PRKCE: variants seen among roughly 807,000 people sequenced by gnomAD.
The protein encoded by PRKCE is protein kinase C epsilon type.
Under a neutral mutation model 85.4 loss-of-function variants are expected in PRKCE, and 16 were observed. The observed-to-expected ratio is 0.19, with a 90% CI of 0.13 to 0.28. The LOEUF (loss-of-function observed/expected upper bound fraction) is 0.28, where lower values mean the gene tolerates loss of function less well. Ranked by LOEUF, PRKCE falls within the 10% of genes least tolerant of loss-of-function variation. PRKCE has a pLI of 1.00. For synonymous variants in PRKCE, 388 were observed against 371.5 expected (o/e 1.04, Z -0.51); for missense variants, 573 against 975.2 (o/e 0.59, Z 5.49).
intron 2 of PRKCE, among the ~76,000 whole-genome samples, chr2:45,863,158 C>G (rs757137679): frequency 6.6e-6 from 1 of 152,146 alleles, no homozygotes; most frequent in Non-Finnish European, 1.5e-5. Flanking sequence ...TTAGGCTACT[C>G]ATTTCCTGGC....
intron 1 of PRKCE, among the ~76,000 whole-genome samples, chr2:45,670,984 A>G (rs1179794212): frequency 2.0e-5 from 3 of 152,218 alleles, no homozygotes; most frequent in African/African-American, 7.2e-5. Context: ...CCTGGGTTGA[A>G]TTGTTGGAAA....
At chr2:45,772,650 A>G (rs1460955526) in intron 1 of PRKCE, among the ~76,000 whole-genome samples, 6 of 152,080 alleles carry the variant, frequency 3.9e-5, no homozygotes, top group Non-Finnish European at 5.9e-5. Context: ...CCATGCTTGG[A>G]GAAGTTAAGT....
At chr2:45,703,026 C>CA (rs1553382509) in intron 1 of PRKCE, among the ~76,000 whole-genome samples, 2 of 151,524 alleles carry the variant, frequency 1.3e-5, no homozygotes, top group East Asian at 3.9e-4. Context: ...TTTTTTCCCC[C>CA]CCCGTCAGGA....
rs1387982925 is a variant in PRKCE at position 46,138,862 on chromosome 2, A to T, written c.1593-6231A>T. 1.3e-5 allele frequency among the ~76,000 whole-genome samples: 2 copies of T among 152,158 alleles called. No homozygotes were observed. The highest frequency in any genetic ancestry group is 4.8e-5 in the African/African-American group (2 of 41,414). On this transcript the variant is annotated intron_variant, in intron 11 of 14. Transcript: ENST00000306156. This position sits in a 1 kb window ranked among gnomAD's most constrained non-coding sequence, Gnocchi z 4.2. Reference sequence around the variant, plus strand: ...ACAGGATTATCCAGTCCCAAATGTCAATCTCGTCCCAGCATGCCAAGGTTA... The same window carrying T: ...ACAGGATTATCCAGTCCCAAATGTCTATCTCGTCCCAGCATGCCAAGGTTA...
chr2:45,985,601 A>C (rs1465186882), intron 6 of PRKCE, among the ~76,000 whole-genome samples: 1 of 152,220 alleles, frequency 6.6e-6, no homozygotes, highest in Non-Finnish European at 1.5e-5. Context: ...CAAATTGGTC[A>C]TTGAAGGGAT....
chr2:46,102,933 C>T (rs1671375073), intron 11 of PRKCE, among the ~76,000 whole-genome samples: 1 of 152,152 alleles, frequency 6.6e-6, no homozygotes, highest in South Asian at 2.1e-4. Context: ...TTTCCATGCC[C>T]TTTTCCATAC....
At chr2:46,175,217 G>C (rs1679308491) in intron 14 of PRKCE, among the ~76,000 whole-genome samples, 1 of 152,144 alleles carries the variant, frequency 6.6e-6, no homozygotes, top group African/African-American at 2.4e-5. Context: ...TGTTCTTTTG[G>C]GTGGGTCACA....
chr2:45,881,695 C>T (rs1162389254), intron 2 of PRKCE, among the ~76,000 whole-genome samples: 1 of 152,104 alleles, frequency 6.6e-6, no homozygotes, highest in Admixed American at 6.5e-5. Context: ...AAACTAAGAC[C>T]CAGCACGATG....
intron 1 of PRKCE, among the ~76,000 whole-genome samples, chr2:45,752,416 C>CTGAGAT (rs1683648217): frequency 6.6e-6 from 1 of 152,188 alleles, no homozygotes; most frequent in South Asian, 2.1e-4. Context: ...CTCCCTCCTA[C>CTGAGAT]ATCTACTGAG....
intron 1 of PRKCE, among the ~76,000 whole-genome samples, chr2:45,722,931 T>C (rs993795847): frequency 2.6e-5 from 4 of 152,066 alleles, no homozygotes; most frequent in African/African-American, 7.2e-5. Flanking sequence ...TGAAATCCTG[T>C]CTCTACTAAA....
At chr2:45,794,834 A>G (rs1011366537) in intron 1 of PRKCE, among the ~76,000 whole-genome samples, 2 of 136,156 alleles carry the variant, frequency 1.5e-5, no homozygotes, top group African/African-American at 6.1e-5. Context: ...GGGAGGGACA[A>G]TTATTGCCCT....
At chr2:45,980,223 C>A in intron 4 of PRKCE, 73 bp from the exon 5 acceptor site, 2 of 1,454,866 alleles carry the variant, frequency 1.4e-6, no homozygotes, top group South Asian at 1.2e-5. Context: ...CTCCACCAAG[C>A]CCTGAATAGA....
chr2:45,867,815 C>T (rs1277044495), intron 2 of PRKCE, among the ~76,000 whole-genome samples: 2 of 152,030 alleles, frequency 1.3e-5, no homozygotes, highest in Admixed American at 6.6e-5. Flanking sequence ...TGTATATTAT[C>T]CTTGTGAAAG....
At chr2:45,713,370 G>A (rs1045405126) in intron 1 of PRKCE, among the ~76,000 whole-genome samples, 2 of 152,132 alleles carry the variant, frequency 1.3e-5, no homozygotes, top group Non-Finnish European at 1.5e-5. Context: ...GATGCCTGAT[G>A]GTAATGGATA....
intron 2 of PRKCE, among the ~76,000 whole-genome samples, chr2:45,962,043 T>C (rs1191131806): frequency 6.6e-6 from 1 of 152,222 alleles, no homozygotes; most frequent in African/African-American, 2.4e-5. Context: ...GCCTCGCCTT[T>C]GCTACCTGTT....
At chr2:45,947,857 A>C (rs1186050208) in intron 2 of PRKCE, among the ~76,000 whole-genome samples, 1 of 152,208 alleles carries the variant, frequency 6.6e-6, no homozygotes, top group Non-Finnish European at 1.5e-5. Flanking sequence ...TCTTGCTCTA[A>C]AGTGTATATT....
chr2:45,970,157 C>CT (rs1423723944), intron 2 of PRKCE, among the ~76,000 whole-genome samples: 2 of 152,212 alleles, frequency 1.3e-5, no homozygotes, highest in African/African-American at 4.8e-5. Flanking sequence ...AACATGTCAA[C>CT]TGGCATTGCC....
intron 1 of PRKCE, among the ~76,000 whole-genome samples, chr2:45,737,315 A>C (rs373156086): frequency 5.3e-5 from 8 of 152,078 alleles, no homozygotes; most frequent in African/African-American, 1.9e-4. Flanking sequence ...GGAACTCCCA[A>C]ACACTCTTCA....
intron 10 of PRKCE, among the ~76,000 whole-genome samples, chr2:46,037,012 G>A (rs2104979901): frequency 6.6e-6 from 1 of 152,326 alleles, no homozygotes; most frequent in East Asian, 1.9e-4. Context: ...GCAGCTGCCA[G>A]GACGGACCCT....
Sources: gnomAD v4.1 joint callset for allele counts (sites outside exome capture counted in the v4.1 genomes callset) on GRCh38, gnomAD v4.1.1 for gene constraint, Gnocchi (gnomAD v3.1) non-coding constraint, MANE v1.5 for transcripts, NCBI Gene and HGNC (gene_info 2026-07-23, HGNC 2026-07-21) for gene names.